Variants in RNF19A observed in about 807,000 individuals in gnomAD.
RNF19A encodes the protein ring finger protein 19A, RBR E3 ubiquitin protein ligase.
Under a neutral mutation model 75.7 loss-of-function variants are expected in RNF19A, and 32 were observed. The ratio of observed to expected loss-of-function variants is 0.42; its 90% confidence interval spans 0.32 to 0.57. The LOEUF (loss-of-function observed/expected upper bound fraction) is 0.57, where lower values mean the gene tolerates loss of function less well. RNF19A is among the 20% of genes least tolerant of loss of function. The pLI is 0.10. For missense variants in RNF19A, 782 were observed against 1,036.3 expected, an observed-to-expected ratio of 0.75 and a Z score of 3.37; for synonymous variants, 335 against 345.2, an observed-to-expected ratio of 0.97 and a Z score of 0.33.
chr8:100,313,422 G>A (rs1822329609), upstream of RNF19A: 3 of 460,904 alleles, frequency 6.5e-6, no homozygotes, highest in South Asian at 1.9e-4. Flanking sequence ...GAAGACGGAG[G>A]AACAGCAGAC....
rs1480224384 is a variant in RNF19A, at chr8:100,264,033, C to CCTA, written c.1466_1468dup (p.Val489dup). 5 of 1,612,254 alleles carry CCTA rather than the reference C, an allele frequency of 3.1e-6. No homozygotes were observed. Among genetic ancestry groups the CCTA allele is most frequent in the Non-Finnish European group, 3.4e-6 (4 of 1,178,982 alleles). ...TTTCTTCCTTTGCTTAAAGGACTTA[C>CCTA]CTACAGCTGTGTTAGTTCCACCAAC... is the stretch of plus-strand genomic sequence containing the variant. On this transcript the variant is annotated inframe_insertion and splice_region_variant. Transcript: ENST00000341084. This position sits in a 1 kb window ranked among gnomAD's most constrained non-coding sequence, Gnocchi z 4.7.
chr8:100,279,668 G>A (rs1464089292), intron 2 of RNF19A, among the ~76,000 whole-genome samples: 2 of 152,112 alleles, frequency 1.3e-5, no homozygotes, highest in African/African-American at 4.8e-5. Flanking sequence ...AGATTACAGG[G>A]GCGCATCACC....
At chr8:100,314,917 CAT>C (rs1034925611), upstream of RNF19A, among the ~76,000 whole-genome samples, 1 of 152,162 alleles carries the variant, frequency 6.6e-6, no homozygotes, top group African/African-American at 2.4e-5. This position sits in a 1 kb window ranked among gnomAD's most constrained non-coding sequence, Gnocchi z 4.1. Flanking sequence ...TAGCTATGCA[CAT>C]GACATGCCTT....
chr8:100,279,669 G>A (rs2129794596), intron 2 of RNF19A, among the ~76,000 whole-genome samples: 1 of 152,272 alleles, frequency 6.6e-6, no homozygotes, highest in Middle Eastern at 3.4e-3. Context: ...GATTACAGGG[G>A]CGCATCACCA....
Position 100,269,022 on chromosome 8 carries a change from A to C in RNF19A, c.1029-75T>G. On this transcript the variant is annotated intron_variant, in intron 4 of 9. Coordinates refer to ENST00000341084, the MANE Select transcript of RNF19A (RefSeq NM_183419.4). The surrounding 1 kb of genome is among the most constrained non-coding windows in gnomAD (Gnocchi z 5.7). ...ACAAATTAGTGCACTATATTAAAAC[A>C]ATGACTATTTTTAAAAACTTCTCAT... 1.7e-6 allele frequency: 2 copies of C among 1,178,724 alleles called. No homozygotes were observed. Among genetic ancestry groups the C allele is most frequent in the South Asian group, 2.3e-5 (1 of 44,276 alleles). The allele number at this position is 1,178,724 out of a possible 1,614,324, so 73.0% of individuals were successfully genotyped here.
At position 100,275,461 on chromosome 8, in the gene RNF19A, T is replaced by C. The variant is rs1286155462; in HGVS notation, c.675-300A>G. Among the ~76,000 whole-genome samples, 1 of 151,970 alleles carries C rather than the reference T, an allele frequency of 6.6e-6. No homozygotes were observed. The highest frequency in any genetic ancestry group is 1.5e-5 in the Non-Finnish European group (1 of 67,976). ...TGTGCAAGTTTGTTACATAGGTCTA[T>C]TGCATGATGCTGAGGTTTGGGCTTC... On this transcript the variant is annotated intron_variant, in intron 2 of 9. Coordinates refer to ENST00000341084, the MANE Select transcript of RNF19A (RefSeq NM_183419.4). This position sits in a 1 kb window ranked among gnomAD's most constrained non-coding sequence, Gnocchi z 4.3.
At chr8:100,286,888 TAATC>T (rs1821047379) in intron 2 of RNF19A, among the ~76,000 whole-genome samples, 1 of 152,220 alleles carries the variant, frequency 6.6e-6, no homozygotes, top group African/African-American at 2.4e-5. Context: ...ACCAACATAA[TAATC>T]AAATATATAA....
Position 100,331,818 on chromosome 8 carries a change from A to C in RNF19A, c.-243+4290T>G, listed in dbSNP as rs994300625. Among the ~76,000 whole-genome samples the C allele has an allele frequency of 3.3e-5, 5 of 152,172 alleles. No homozygotes were observed. Among genetic ancestry groups the C allele is most frequent in the Admixed American group, 2.6e-4 (4 of 15,280 alleles). ...AGTCTGTGCACATACAAATAAATCT[A>C]TATATATCCTCCCCAGCCCTACCTA... On this transcript the variant is annotated intron_variant, in intron 1 of 3. Coordinates refer to the RNF19A transcript ENST00000519527. This position sits in a 1 kb window ranked among gnomAD's most constrained non-coding sequence, Gnocchi z 5.2.
At position 100,284,803 on chromosome 8, in the gene RNF19A, A is replaced by G. The variant is rs2129887150; in HGVS notation, c.674+2698T>C. Among the ~76,000 whole-genome samples, 1 of 152,284 alleles carries G rather than the reference A, an allele frequency of 6.6e-6. No individual in the cohort carries two copies. The highest frequency in any genetic ancestry group is 1.5e-5 in the Non-Finnish European group (1 of 67,976). On this transcript the variant is annotated intron_variant, in intron 2 of 9. Coordinates refer to ENST00000341084, the MANE Select transcript of RNF19A (RefSeq NM_183419.4). The surrounding 1 kb of genome is among the most constrained non-coding windows in gnomAD (Gnocchi z 4.3). ...AAAAAGGTTTATAAAGAATAGTAAA[A>G]TAATACTCCTGTATCTACCACTGAA...
chr8:100,296,924 G>A (rs1821591782), intron 1 of RNF19A, among the ~76,000 whole-genome samples: 1 of 152,074 alleles, frequency 6.6e-6, no homozygotes, highest in African/African-American at 2.4e-5. Flanking sequence ...CATCACACAA[G>A]AATAAACATT....
rs1226303972 is a variant in RNF19A, at chr8:100,322,227, T to C, written c.-242-8855A>G. 6.6e-6 allele frequency among the ~76,000 whole-genome samples: 1 copy of C among 152,226 alleles called. No homozygotes were observed. Among genetic ancestry groups the C allele is most frequent in the Non-Finnish European group, 1.5e-5 (1 of 68,038 alleles). ...GTCTGTTTAGTCTATATTGAAAATC[T>C]GTTGTTTAGTATAGTCCCTTTTATT... On this transcript the variant is annotated intron_variant, in intron 1 of 3. Transcript: ENST00000519527. This position sits in a 1 kb window ranked among gnomAD's most constrained non-coding sequence, Gnocchi z 5.1.
At chr8:100,321,234 C>A (rs1187068227) in intron 1 of RNF19A, among the ~76,000 whole-genome samples, 3 of 152,254 alleles carry the variant, frequency 2.0e-5, no homozygotes, top group Non-Finnish European at 4.4e-5. Flanking sequence ...AAATTGGAAT[C>A]AATCCTCTCA....
intron 1 of RNF19A, among the ~76,000 whole-genome samples, chr8:100,308,186 T>C (rs534446690): frequency 3.3e-5 from 5 of 152,350 alleles, no homozygotes; most frequent in African/African-American, 1.2e-4. Context: ...AGTTGCCAAC[T>C]GTAATTTTTT....
chr8:100,322,584 T>C lies in RNF19A; in HGVS notation c.-242-9212A>G, dbSNP rs1360244500. On this transcript the variant is annotated intron_variant, in intron 1 of 3. Transcript: ENST00000519527. The surrounding 1 kb of genome is among the most constrained non-coding windows in gnomAD (Gnocchi z 5.1). ...TAACATCCTTCAAGAACTTTTCCTT[T>C]GCATTTACAACTTGGCTAACTGGCA... Among the ~76,000 whole-genome samples the C allele has an allele frequency of 6.6e-6, 1 of 152,260 alleles. No homozygotes were observed.
At chr8:100,292,977 G>A (rs1377591130) in intron 1 of RNF19A, among the ~76,000 whole-genome samples, 1 of 152,152 alleles carries the variant, frequency 6.6e-6, no homozygotes, top group Non-Finnish European at 1.5e-5. Flanking sequence ...TTCCACAGAT[G>A]GAGGTGGGGG....
intron 1 of RNF19A, among the ~76,000 whole-genome samples, chr8:100,291,921 A>G (rs969500033): frequency 1.3e-4 from 20 of 150,932 alleles, no homozygotes; most frequent in Non-Finnish European, 2.5e-4. Context: ...TAAAAACAGC[A>G]TGTGACAATA....
In RNF19A at chr8:100,260,100, A is replaced by G; in HGVS notation, c.1683-103T>C. ...TTAAGAACCCTAGTAACCAGAAGCT[A>G]TTTTAGGAACCATTATTTTTTATTT... is the stretch of plus-strand genomic sequence containing the variant. On this transcript the variant is annotated intron_variant, in intron 8 of 9. Transcript: ENST00000341084. The surrounding 1 kb of genome is among the most constrained non-coding windows in gnomAD (Gnocchi z 4.1). 2.0e-6 allele frequency: 2 copies of G among 998,208 alleles called. No homozygotes were observed. Among genetic ancestry groups the G allele is most frequent in the South Asian group, 1.5e-5 (1 of 67,492 alleles). The allele number at this position is 998,208 out of a possible 1,614,324, so 61.8% of individuals were successfully genotyped here.
chr8:100,293,811 T>C (rs1821419537), intron 1 of RNF19A, among the ~76,000 whole-genome samples: 1 of 152,244 alleles, frequency 6.6e-6, no homozygotes, highest in South Asian at 2.1e-4. Flanking sequence ...CTTCGTTCAG[T>C]AGACTGGCAA....
chr8:100,262,814 G>C (rs1309754407), intron 7 of RNF19A, among the ~76,000 whole-genome samples: 1 of 152,146 alleles, frequency 6.6e-6, no homozygotes, highest in African/African-American at 2.4e-5. Context: ...AACGAAGAGA[G>C]TAAGAAGTGG....
Sources: allele counts gnomAD v4.1 joint callset (sites outside exome capture counted in the v4.1 genomes callset), GRCh38; gene constraint gnomAD v4.1.1; non-coding constraint Gnocchi (gnomAD v3.1); transcripts MANE v1.5; gene names NCBI Gene and HGNC (gene_info 2026-07-23, HGNC 2026-07-21).